The following CTNNA2 variants were observed in gnomAD, a reference collection of about 807,000 sequenced individuals.
CTNNA2 encodes catenin alpha 2.
A neutral mutation model predicts 101.0 loss-of-function variants in CTNNA2; 42 were observed. The ratio of observed to expected loss-of-function variants is 0.42; its 90% CI spans 0.32 to 0.54. CTNNA2 has a LOEUF of 0.54. CTNNA2 is among the 20% of genes least tolerant of loss of function. CTNNA2 has a pLI of 0.14. For synonymous variants in CTNNA2, 450 were observed against 456.4 expected, an observed-to-expected ratio of 0.99 and a Z score of 0.18; for missense variants, 871 against 1,223.1, an observed-to-expected ratio of 0.71 and a Z score of 4.29.
rs571125745 is a variant in CTNNA2, at chr2:79,257,620, A to T, written c.-405-55089A>T. ...GAAGAAAGTGGAACCATACCACTCC[A>T]AGAATACATCACAGAGTCTATCAAA... On this transcript the variant is annotated intron_variant, in intron 2 of 21. Transcript: ENST00000466387. Among the ~76,000 whole-genome samples, 4 of 152,232 alleles carry T rather than the reference A, an allele frequency of 2.6e-5. No individual in the cohort carries two copies. In the East Asian group the frequency reaches 7.7e-4, roughly 29 times the overall value.
chr2:80,082,100 C>T (rs951108869), intron 7 of CTNNA2, among the ~76,000 whole-genome samples: 1 of 152,118 alleles, frequency 6.6e-6, no homozygotes, highest in South Asian at 2.1e-4. Flanking sequence ...TTGCTCTGAA[C>T]GTTTGGTGAA....
intron 3 of CTNNA2, among the ~76,000 whole-genome samples, chr2:79,344,280 T>C (rs1478867614): frequency 2.0e-5 from 3 of 152,226 alleles, no homozygotes; most frequent in Non-Finnish European, 2.9e-5. Context: ...CTGGAATCCA[T>C]TTTTTATTTC....
intron 9 of CTNNA2, among the ~76,000 whole-genome samples, chr2:80,455,741 GAGA>G (rs1366078506): frequency 6.6e-6 from 1 of 152,228 alleles, no homozygotes; most frequent in Non-Finnish European, 1.5e-5. Context: ...GAGATTCTAA[GAGA>G]AGGCCAGTGC....
intron 6 of CTNNA2, among the ~76,000 whole-genome samples, chr2:79,901,764 A>G (rs1387888367): frequency 6.6e-6 from 1 of 152,208 alleles, no homozygotes; most frequent in African/African-American, 2.4e-5. Flanking sequence ...AGTCTTTGAA[A>G]CATAATCTGT....
At chr2:79,965,887 C>T (rs1382385140) in intron 7 of CTNNA2, among the ~76,000 whole-genome samples, 1 of 127,034 alleles carries the variant, frequency 7.9e-6, no homozygotes, top group African/African-American at 3.0e-5. Flanking sequence ...AAGAAAAAGA[C>T]AAAGAAGGAA....
chr2:79,575,230 A>G (rs929123877), intron 1 of CTNNA2, among the ~76,000 whole-genome samples: 2 of 152,190 alleles, frequency 1.3e-5, no homozygotes, highest in Non-Finnish European at 2.9e-5. Flanking sequence ...ATGTTCACCC[A>G]GTTGAAATAT....
chr2:79,297,980 A>G (rs2104387705), intron 2 of CTNNA2, among the ~76,000 whole-genome samples: 1 of 152,358 alleles, frequency 6.6e-6, no homozygotes, highest in Admixed American at 6.5e-5. Flanking sequence ...TTGGTTCTCC[A>G]GAGTTTAGTC....
rs114746854 is a variant in CTNNA2, at chr2:79,300,224, T to C, written c.-405-12485T>C. ...ACAAACCCCGGCAACCAGTGATGTT[T>C]TCCTGTCTCCATAGTTTTGCCTTTT... On this transcript the variant is annotated intron_variant, in intron 2 of 21. Coordinates refer to the CTNNA2 transcript ENST00000466387. Among the ~76,000 whole-genome samples the C allele has an allele frequency of 9.9e-3, 1,507 of 152,274 alleles. 23 individuals are homozygous for C. Among genetic ancestry groups the C allele is most frequent in the African/African-American group, 0.035 (1,448 of 41,554 alleles).
At position 79,349,935 on chromosome 2, in the gene CTNNA2, G is replaced by A. The variant is rs181089030; in HGVS notation, c.-317-23896G>A. 4.8e-3 allele frequency among the ~76,000 whole-genome samples: 729 copies of A among 151,874 alleles called. 4 individuals are homozygous for A. The highest frequency in any genetic ancestry group is 5.5e-3 in the Non-Finnish European group (371 of 67,956). On this transcript the variant is annotated intron_variant, in intron 3 of 21. Transcript: ENST00000466387. ...CTAAAAACACAAAAATTAGCCAGGCGTGGTGGCGGGCGCCTGTAGTCCTAG... is the reference window on the plus strand; with the variant it reads ...CTAAAAACACAAAAATTAGCCAGGCATGGTGGCGGGCGCCTGTAGTCCTAG...
At chr2:79,856,550 A>G (rs1681150895) in intron 3 of CTNNA2, among the ~76,000 whole-genome samples, 2 of 152,024 alleles carry the variant, frequency 1.3e-5, no homozygotes, top group African/African-American at 4.8e-5. Flanking sequence ...AAGCTTTTAT[A>G]CCCCTGTGTA....
intron 2 of CTNNA2, among the ~76,000 whole-genome samples, chr2:79,283,135 T>C (rs1247480476): frequency 6.4e-5 from 6 of 93,656 alleles, no homozygotes; most frequent in Non-Finnish European, 1.5e-4. Flanking sequence ...TTTGTTTGAG[T>C]TCATTGTAGA....
At chr2:80,046,379 G>A (rs1338491383) in intron 7 of CTNNA2, among the ~76,000 whole-genome samples, 4 of 151,954 alleles carry the variant, frequency 2.6e-5, no homozygotes, top group East Asian at 1.9e-4. Context: ...AATAAGTGAC[G>A]AAGACTCTAT....
intron 11 of CTNNA2, among the ~76,000 whole-genome samples, chr2:80,553,223 CAAAA>C (rs143384465): frequency 2.6e-5 from 3 of 114,284 alleles, no homozygotes; most frequent in African/African-American, 9.7e-5. Flanking sequence ...GACTCCGTCT[CAAAA>C]AAAAAAATAA....
intron 7 of CTNNA2, among the ~76,000 whole-genome samples, chr2:79,943,488 C>T (rs1688296445): frequency 6.6e-6 from 1 of 152,152 alleles, no homozygotes; most frequent in South Asian, 2.1e-4. Context: ...TCAGCACTGA[C>T]ATCCATAGTG....
At chr2:80,395,713 G>A (rs868259109) in intron 8 of CTNNA2, among the ~76,000 whole-genome samples, 18 of 152,328 alleles carry the variant, frequency 1.2e-4, no homozygotes, top group Middle Eastern at 3.4e-3. Context: ...TCAAGCAAAT[G>A]TATACTGCTG....
At chr2:80,584,133 AGT>A (rs1276503585) in intron 14 of CTNNA2, among the ~76,000 whole-genome samples, 2 of 152,112 alleles carry the variant, frequency 1.3e-5, no homozygotes, top group African/African-American at 4.8e-5. Flanking sequence ...TGACCAGCAA[AGT>A]GTGCTAAGTT....
chr2:79,304,907 G>T (rs1430015841), intron 2 of CTNNA2, among the ~76,000 whole-genome samples: 2 of 152,150 alleles, frequency 1.3e-5, no homozygotes, highest in Admixed American at 6.5e-5. Flanking sequence ...AATACCAACT[G>T]ATCTTATCCG....
intron 7 of CTNNA2, among the ~76,000 whole-genome samples, chr2:80,388,328 A>C (rs1275230747): frequency 1.3e-5 from 2 of 152,328 alleles, no homozygotes; most frequent in Non-Finnish European, 2.9e-5. Context: ...ACGTTGACTG[A>C]GTTAACTCTG....
intron 9 of CTNNA2, among the ~76,000 whole-genome samples, chr2:80,423,608 G>A (rs940698979): frequency 1.3e-5 from 2 of 152,006 alleles, no homozygotes; most frequent in African/African-American, 4.8e-5. Context: ...TCCACAGATG[G>A]CAGCCCCCAA....
Sources: allele counts gnomAD v4.1 joint callset (sites outside exome capture counted in the v4.1 genomes callset), GRCh38; gene constraint gnomAD v4.1.1; transcripts MANE v1.5; gene names NCBI Gene and HGNC (gene_info 2026-07-23, HGNC 2026-07-21).